Variants in PROSER2 observed in about 807,000 individuals in gnomAD.
PROSER2 encodes the protein proline and serine rich 2.
Under a neutral mutation model 14.6 loss-of-function variants are expected in PROSER2, and 18 were observed. The ratio of observed to expected loss-of-function variants is 1.23; its 90% CI spans 0.85 to 1.83. PROSER2 has a LOEUF of 1.83. PROSER2 is among the 40% of genes most tolerant of loss of function. The probability of loss-of-function intolerance (pLI) is 0.00; values close to 1 mark genes in which losing one functional copy is unlikely to be tolerated. For missense variants in PROSER2, 823 were observed against 629.8 expected, an observed-to-expected ratio of 1.31 and a Z score of -3.28; for synonymous variants, 367 against 286.4, an observed-to-expected ratio of 1.28 and a Z score of -2.84.
chr10:11,851,865 C>T (rs1042821891), intron 1 of PROSER2, 132 bp from the exon 2 acceptor site: 4 of 403,844 alleles, frequency 9.9e-6, no homozygotes, highest in Non-Finnish European at 1.7e-5. Context: ...GTTGACTTAG[C>T]GTTTCCCAAT....
intron 1 of PROSER2, chr10:11,849,966 A>C (rs1833987935): frequency 6.6e-6 from 1 of 152,248 alleles, no homozygotes; most frequent in Non-Finnish European, 1.5e-5. Flanking sequence ...CCGTTATGTT[A>C]CGGTACAGCA....
intron 1 of PROSER2, among the ~76,000 whole-genome samples, chr10:11,840,266 TA>T (rs11290054): frequency 0.59 from 86,091 of 145,028 alleles, 25,086 homozygotes; most frequent in East Asian, 0.68. Context: ...TTGTTGTCAT[TA>T]AAAAAAAAAA....
At chr10:11,841,230 T>C (rs1833842191) in intron 1 of PROSER2, among the ~76,000 whole-genome samples, 1 of 151,950 alleles carries the variant, frequency 6.6e-6, no homozygotes, top group Non-Finnish European at 1.5e-5. Context: ...TCATCCATGC[T>C]TTCAAATTTA....
rs1293223110 is a variant in PROSER2, at chr10:11,869,937, A to C, written c.839A>C (p.Glu280Ala). ...TCCAGGGCGGCCGTCAGCGTGCAGGAGCGCAGGGCGCAGGTGTTGGCCACC... is the reference window on the plus strand; with the variant it reads ...TCCAGGGCGGCCGTCAGCGTGCAGGCGCGCAGGGCGCAGGTGTTGGCCACC... ...TLSRAAVSVQERRAQVLATIH... is the reference protein window; with the variant it reads ...TLSRAAVSVQARRAQVLATIH... Residue 280 changes from glutamate to alanine, a missense_variant, in exon 4 of 4, where the codon GAG (glutamate) becomes GCG (alanine). Physicochemically the swap from Glu to Ala is moderately radical, Grantham distance 107. Coordinates refer to ENST00000277570, the MANE Select transcript of PROSER2 (RefSeq NM_153256.4). This position sits in a 1 kb window ranked among gnomAD's most constrained non-coding sequence, Gnocchi z 4.4. 5.2e-6 allele frequency: 8 copies of C among 1,535,812 alleles called. No individual in the cohort carries two copies. Among genetic ancestry groups the C allele is most frequent in the Middle Eastern group, 2.1e-4 (1 of 4,668 alleles).
chr10:11,870,275 C>T lies in PROSER2; in HGVS notation c.1177C>T (p.Gln393Ter), dbSNP rs1041435507. 24 of 1,491,460 alleles carry T rather than the reference C, an allele frequency of 1.6e-5. No homozygotes were observed. Among genetic ancestry groups the T allele is most frequent in the Non-Finnish European group, 2.1e-5 (24 of 1,128,338 alleles). 92.4% of individuals were successfully genotyped at this position (1,491,460 alleles called of 1,614,324 possible). A position where few individuals can be genotyped will look rare whatever the true frequency, so the allele number is the denominator to read the frequency against. Reference sequence around the variant, plus strand: ...CGGGCCCCGGCAGCCCAACGGCGCCCAGGACTGGCGCCGCGCAGACTCCCT... The same window carrying T: ...CGGGCCCCGGCAGCCCAACGGCGCCTAGGACTGGCGCCGCGCAGACTCCCT... ...FPGPRQPNGAQDWRRADSLPR... is the reference protein window; with the variant it reads ...FPGPRQPNGA The change falls in exon 4 of 4, where the codon CAG (glutamine) becomes TAG (stop). Residue 393 changes from glutamine (Q) to a stop codon, truncating the protein, a stop_gained. Transcript: ENST00000277570. LOFTEE classifies it high-confidence loss of function.
At chr10:11,863,545 A>C (rs74358513) in intron 2 of PROSER2, among the ~76,000 whole-genome samples, 15,068 of 145,086 alleles carry the variant, frequency 0.1, 864 homozygotes, top group Non-Finnish European at 0.13. Context: ...CCCCCCCACA[A>C]AAAAAAAAAA....
At chr10:11,842,090 C>T (rs1291236088) in intron 1 of PROSER2, among the ~76,000 whole-genome samples, 3 of 152,004 alleles carry the variant, frequency 2.0e-5, no homozygotes, top group Non-Finnish European at 2.9e-5. Context: ...GGTATGGTGA[C>T]GTGAGCCTGT....
rs1270048366 is a variant in PROSER2, at chr10:11,866,431, C to T, written c.139-100C>T. 1.4e-6 allele frequency: 2 copies of T among 1,449,754 alleles called. No individual in the cohort carries two copies. Among genetic ancestry groups the T allele is most frequent in the South Asian group, 1.3e-5 (1 of 78,162 alleles). 89.8% of individuals were successfully genotyped at this position (1,449,754 alleles called of 1,614,324 possible). Reference sequence around the variant, plus strand: ...TACTCTCGGGACACAGTGAGTTCCGCCCTGGGCTGTGGACCAATCCCAACT... The same window carrying T: ...TACTCTCGGGACACAGTGAGTTCCGTCCTGGGCTGTGGACCAATCCCAACT... On this transcript the variant is annotated intron_variant, in intron 2 of 3. Transcript: ENST00000277570. The surrounding 1 kb of genome is among the most constrained non-coding windows in gnomAD (Gnocchi z 6.0).
intron 1 of PROSER2, among the ~76,000 whole-genome samples, chr10:11,839,097 A>G (rs112322836): frequency 0.012 from 1,875 of 152,324 alleles, 47 homozygotes; most frequent in African/African-American, 0.043. Flanking sequence ...TTTAGTACAA[A>G]CAACATTAGT....
chr10:11,832,896 G>A (rs936607646), intron 1 of PROSER2, among the ~76,000 whole-genome samples: 1 of 152,106 alleles, frequency 6.6e-6, no homozygotes, highest in Non-Finnish European at 1.5e-5. Context: ...AGGCTAGAGT[G>A]CAGTGGCTCA....
At chr10:11,835,123 AAG>A (rs1404688017) in intron 1 of PROSER2, among the ~76,000 whole-genome samples, 1 of 150,214 alleles carries the variant, frequency 6.7e-6, no homozygotes, top group Admixed American at 6.6e-5. Context: ...AAAAAAAAAA[AAG>A]AAAAAGAAAA....
At position 11,866,548 on chromosome 10, in the gene PROSER2, G is replaced by A. The variant is rs1180057878; in HGVS notation, c.156G>A (p.Lys52=). The A allele has an allele frequency of 6.2e-7, 1 of 1,614,142 alleles. No individual in the cohort carries two copies. The highest frequency in any genetic ancestry group is 1.7e-5 in the Admixed American group (1 of 60,018). ...RSFTLDDESL[K]YLTHEEKDVL... ...TACTCTAGGATGATGAGAGCCTGAA[G>A]TACCTCACCCATGAGGAAAAGGATG... is the stretch of plus-strand genomic sequence containing the variant. Residue 52 remains lysine, a synonymous_variant, in exon 3 of 4, where the codon AAG becomes AAA. Transcript: ENST00000277570. The surrounding 1 kb of genome is among the most constrained non-coding windows in gnomAD (Gnocchi z 6.0).
chr10:11,870,394 G>GGA lies in PROSER2; in HGVS notation c.1300_1301dup (p.Ser434ArgfsTer18). On this transcript the variant is annotated frameshift_variant, in exon 4 of 4. Transcript: ENST00000277570. LOFTEE classifies it high-confidence loss of function. ...CCCTGCGGAAGCTGGGGCTGCTCAG[G>GGA]GAGAGTTCGTGAGGGCCGCGCGGGC... 6.7e-7 allele frequency: 1 copy of GGA among 1,501,748 alleles called. No individual in the cohort carries two copies. Among genetic ancestry groups the GGA allele is most frequent in the Non-Finnish European group, 8.9e-7 (1 of 1,127,812 alleles). The allele number at this position is 1,501,748 out of a possible 1,614,324, so 93.0% of individuals were successfully genotyped here. A position where few individuals can be genotyped will look rare whatever the true frequency, so the allele number is the denominator to read the frequency against.
intron 2 of PROSER2, among the ~76,000 whole-genome samples, chr10:11,863,970 G>A (rs189739028): frequency 2.0e-5 from 3 of 152,174 alleles, no homozygotes; most frequent in Admixed American, 2.0e-4. Flanking sequence ...GGGAGCCCTC[G>A]TTATTCTGGG....
intron 1 of PROSER2, 178 bp from the exon 2 acceptor site, chr10:11,851,819 T>C (rs919776471): frequency 1.3e-4 from 43 of 333,960 alleles, no homozygotes; most frequent in Non-Finnish European, 2.1e-4. Context: ...TGGTTAACAA[T>C]ATAAAGGAGA....
Position 11,838,782 on chromosome 10 carries a change from T to C in PROSER2, c.-81-13215T>C, listed in dbSNP as rs1417487321. ...ATCTGTCTTGTACTTAATAATCATC[T>C]GGTTTCCTCGTTTGTACACTGTCTA... On this transcript the variant is annotated intron_variant, in intron 1 of 3. Transcript: ENST00000277570. This position sits in a 1 kb window ranked among gnomAD's most constrained non-coding sequence, Gnocchi z 4.4. Among the ~76,000 whole-genome samples, 1 of 152,258 alleles carries C rather than the reference T, an allele frequency of 6.6e-6. No individual in the cohort carries two copies. Among genetic ancestry groups the C allele is most frequent in the African/African-American group, 2.4e-5 (1 of 41,470 alleles).
At chr10:11,842,931 C>CTTTTGTTTTTTTTTTTTTTTTTTT (rs1833866020) in intron 1 of PROSER2, among the ~76,000 whole-genome samples, 1 of 51,956 alleles carries the variant, frequency 1.9e-5, no homozygotes, top group Non-Finnish European at 3.7e-5. Context: ...TGCCATTGTT[C>CTTTTGTTTTTTTTTTTTTTTTTTT]TTTTTTTTTT....
In PROSER2 at chr10:11,866,388, A is replaced by G; in HGVS notation, c.139-143A>G. ...ATCTGGGTGATGGAGAGGCACACGCAGGCACTGTGTGGCAGGGTACTCTCG... is the reference window on the plus strand; with the variant it reads ...ATCTGGGTGATGGAGAGGCACACGCGGGCACTGTGTGGCAGGGTACTCTCG... On this transcript the variant is annotated intron_variant, in intron 2 of 3. Transcript: ENST00000277570. The surrounding 1 kb of genome is among the most constrained non-coding windows in gnomAD (Gnocchi z 6.0). 1.1e-6 allele frequency: 1 copy of G among 912,760 alleles called. No individual in the cohort carries two copies. The allele number at this position is 912,760 out of a possible 1,614,324, so 56.5% of individuals were successfully genotyped here.
chr10:11,860,810 T>C (rs1028727244), intron 2 of PROSER2, among the ~76,000 whole-genome samples: 1 of 151,904 alleles, frequency 6.6e-6, no homozygotes, highest in Non-Finnish European at 1.5e-5. Context: ...AAAGCAAGTA[T>C]GCAGCTGGGT....
Sources: allele counts gnomAD v4.1 joint callset (sites outside exome capture counted in the v4.1 genomes callset), GRCh38; gene constraint gnomAD v4.1.1; non-coding constraint Gnocchi (gnomAD v3.1); transcripts MANE v1.5; gene names NCBI Gene and HGNC (gene_info 2026-07-23, HGNC 2026-07-21).